ARID1B: variants seen among roughly 807,000 people sequenced by gnomAD.
ARID1B encodes AT-rich interactive domain-containing protein 1B.
Under a neutral mutation model 212.3 loss-of-function variants are expected in ARID1B, and 30 were observed. The ratio of observed to expected loss-of-function variants is 0.14; its 90% confidence interval spans 0.11 to 0.19. The LOEUF is 0.19. Ranked by LOEUF, ARID1B falls within the 10% of genes least tolerant of loss-of-function variation. The pLI is 1.00. For missense variants in ARID1B, 2,891 were observed against 3,204.0 expected (o/e 0.90, Z 2.36); for synonymous variants, 1,402 against 1,301.7 (o/e 1.08, Z -1.66).
intron 4 of ARID1B, among the ~76,000 whole-genome samples, chr6:156,971,461 T>C (rs1040491207): frequency 8.5e-5 from 13 of 152,186 alleles, no homozygotes; most frequent in African/African-American, 2.9e-4. Context: ...AGAGAAAATA[T>C]CCTAACTAGA....
At position 156,871,653 on chromosome 6, in the gene ARID1B, G is replaced by T. The variant is rs1337484412; in HGVS notation, c.1987-29723G>T. The T allele has an allele frequency of 1.1e-5, 18 of 1,612,096 alleles. No individual in the cohort carries two copies. The highest frequency in any genetic ancestry group is 1.5e-5 in the Non-Finnish European group (18 of 1,179,144). ...CACATGGAAAGAAACATTCTGGTTG[G>T]CAAGTATCTTCTTACATGCTCTTAC... On this transcript the variant is annotated intron_variant, in intron 2 of 19. Transcript: ENST00000636930.
chr6:157,094,555 A>G lies in ARID1B; in HGVS notation c.2491+9650A>G, dbSNP rs1380943305. 2.0e-5 allele frequency among the ~76,000 whole-genome samples: 3 copies of G among 152,078 alleles called. No homozygotes were observed. The highest frequency in any genetic ancestry group is 7.2e-5 in the African/African-American group (3 of 41,402). ...TTTTTAGTAGAGATGGGGTTTCGCC[A>G]TGTTGGCCAGGCTGGTCTCGAACTC... On this transcript the variant is annotated intron_variant, in intron 5 of 19. Transcript: ENST00000636930. The surrounding 1 kb of genome is among the most constrained non-coding windows in gnomAD (Gnocchi z 4.3).
intron 4 of ARID1B, among the ~76,000 whole-genome samples, chr6:156,949,895 A>T (rs1055580748): frequency 6.6e-6 from 1 of 152,216 alleles, no homozygotes; most frequent in Non-Finnish European, 1.5e-5. Context: ...ACGAGTGAAG[A>T]TGAAGGGGTG....
At chr6:157,128,407 G>T (rs1788302232) in intron 6 of ARID1B, among the ~76,000 whole-genome samples, 1 of 152,124 alleles carries the variant, frequency 6.6e-6, no homozygotes, top group Non-Finnish European at 1.5e-5. Context: ...AAATGCAACA[G>T]GCATGGTGGC....
At chr6:157,068,794 C>T (rs1338461232) in intron 4 of ARID1B, among the ~76,000 whole-genome samples, 1 of 152,238 alleles carries the variant, frequency 6.6e-6, no homozygotes, top group Admixed American at 6.5e-5. Context: ...ATCCTCTGCT[C>T]TCTTGGATGC....
chr6:157,064,238 A>G (rs1276488655), intron 4 of ARID1B, among the ~76,000 whole-genome samples: 1 of 152,158 alleles, frequency 6.6e-6, no homozygotes, highest in African/African-American at 2.4e-5. Flanking sequence ...ATCTGAGTAT[A>G]TCTGGTCTGA....
At chr6:156,783,365 A>G (rs1168992313) in intron 1 of ARID1B, among the ~76,000 whole-genome samples, 1 of 152,178 alleles carries the variant, frequency 6.6e-6, no homozygotes, top group African/African-American at 2.4e-5. Flanking sequence ...TGATTTGAGA[A>G]CTGATTTTAA....
At chr6:156,888,910 T>A (rs1316097699) in intron 2 of ARID1B, among the ~76,000 whole-genome samples, 1 of 152,112 alleles carries the variant, frequency 6.6e-6, no homozygotes, top group African/African-American at 2.4e-5. Context: ...GGAAAATACT[T>A]ATTTTTTAAT....
intron 7 of ARID1B, among the ~76,000 whole-genome samples, chr6:157,139,060 A>G (rs1166886925): frequency 1.3e-5 from 2 of 152,170 alleles, no homozygotes; most frequent in Non-Finnish European, 2.9e-5. Flanking sequence ...TCTTAACAAA[A>G]CCTGGGAATT....
At chr6:157,064,037 T>C (rs930849171) in intron 4 of ARID1B, among the ~76,000 whole-genome samples, 1 of 152,202 alleles carries the variant, frequency 6.6e-6, no homozygotes. Context: ...ATTGGAAGGT[T>C]TGTGGCATCC....
At chr6:156,932,452 G>A (rs994718189) in intron 3 of ARID1B, among the ~76,000 whole-genome samples, 1 of 130,312 alleles carries the variant, frequency 7.7e-6, no homozygotes, top group Non-Finnish European at 1.6e-5. Flanking sequence ...ATTTATATGT[G>A]TATATTGGTT....
At position 156,934,938 on chromosome 6, in the gene ARID1B, AT is replaced by A. The variant is rs1562494768; in HGVS notation, c.2137-527del. On this transcript the variant is annotated intron_variant, in intron 3 of 19. Coordinates refer to ENST00000636930, the MANE Select transcript of ARID1B (RefSeq NM_001374828.1). ...TATATATATATATATATATATATAT[AT>A]ATATATATATATATATATATATAGT... Among the ~76,000 whole-genome samples, 321 of 93,752 alleles carry A rather than the reference AT, an allele frequency of 3.4e-3. 8 individuals are homozygous for A. The highest frequency in any genetic ancestry group is 0.012 in the African/African-American group (313 of 25,614). 61.5% of individuals were successfully genotyped at this position (93,752 alleles called of 152,430 possible).
intron 6 of ARID1B, among the ~76,000 whole-genome samples, chr6:157,124,243 T>C (rs903859357): frequency 6.6e-5 from 10 of 152,358 alleles, no homozygotes; most frequent in East Asian, 1.9e-4. Context: ...TGAATGAAGA[T>C]GGTTTATTTT....
intron 2 of ARID1B, among the ~76,000 whole-genome samples, chr6:156,832,706 G>A (rs540957598): frequency 6.6e-6 from 1 of 152,294 alleles, no homozygotes; most frequent in African/African-American, 2.4e-5. Context: ...AGAAAGAACT[G>A]CAGTGCTGAT....
At chr6:156,864,335 C>T (rs1388023495) in intron 2 of ARID1B, among the ~76,000 whole-genome samples, 7 of 152,088 alleles carry the variant, frequency 4.6e-5, no homozygotes, top group Admixed American at 2.6e-4. Flanking sequence ...AGGTGTGCTT[C>T]GGGCAGTGAG....
rs144554506 is a variant in ARID1B at position 156,808,643 on chromosome 6, ACT to A, written c.1792-20579_1792-20578del. ...AAATTGAATATATATAAGTGTACTA[ACT>A]CTCTATAAAGAAGTCTTTTTCTAAT... On this transcript the variant is annotated intron_variant, in intron 1 of 19. Transcript: ENST00000636930. 1.9e-3 allele frequency among the ~76,000 whole-genome samples: 282 copies of A among 152,258 alleles called. 6 individuals carry two copies. The East Asian group carries it at 0.036, about 20-fold the overall frequency.
intron 4 of ARID1B, among the ~76,000 whole-genome samples, chr6:156,954,964 G>A (rs927087634): frequency 6.6e-6 from 1 of 152,254 alleles, no homozygotes; most frequent in Non-Finnish European, 1.5e-5. Flanking sequence ...CACCTGGCCC[G>A]CTTTGTGTTG....
intron 2 of ARID1B, among the ~76,000 whole-genome samples, chr6:156,839,213 ATTTC>A (rs1783724281): frequency 6.6e-6 from 1 of 152,166 alleles, no homozygotes; most frequent in Non-Finnish European, 1.5e-5. Context: ...AAGGAAATTT[ATTTC>A]TTATAGTTCT....
At chr6:156,833,530 A>C (rs1417523764) in intron 2 of ARID1B, among the ~76,000 whole-genome samples, 1 of 152,158 alleles carries the variant, frequency 6.6e-6, no homozygotes, top group Admixed American at 6.5e-5. Flanking sequence ...GAATTATAAA[A>C]CAGGGCAAAA....
Sources: allele counts gnomAD v4.1 joint callset (sites outside exome capture counted in the v4.1 genomes callset), GRCh38; gene constraint gnomAD v4.1.1; non-coding constraint Gnocchi (gnomAD v3.1); transcripts MANE v1.5; gene names NCBI Gene and HGNC (gene_info 2026-07-23, HGNC 2026-07-21).